STEAP4: variants seen among roughly 807,000 people sequenced by gnomAD.
The protein encoded by STEAP4 is STEAP4 metalloreductase.
In STEAP4, 36 loss-of-function variants were observed where a neutral mutation model predicts 43.6. The ratio of observed to expected loss-of-function variants is 0.83; its 90% CI spans 0.63 to 1.09. STEAP4 has a LOEUF of 1.09. Among genes scored for constraint, STEAP4 ranks in the 50% least tolerant of loss-of-function variants. The pLI, the probability that STEAP4 is intolerant of heterozygous loss-of-function variation, is 0.00. For synonymous variants in STEAP4, 191 were observed against 196.7 expected (o/e 0.97, Z 0.24); for missense variants, 495 against 546.5 (o/e 0.91, Z 0.94).
At chr7:88,303,208 A>AAT (rs1554544064) in intron 1 of STEAP4, among the ~76,000 whole-genome samples, 36 of 144,870 alleles carry the variant, frequency 2.5e-4, no homozygotes, top group Admixed American at 1.4e-3. Context: ...AAAAAAAAAA[A>AAT]ACTCCAACCG....
At chr7:88,300,555 G>A (rs1853014851) in intron 1 of STEAP4, among the ~76,000 whole-genome samples, 1 of 152,184 alleles carries the variant, frequency 6.6e-6, no homozygotes, top group Admixed American at 6.5e-5. Context: ...TAGTTTTCAG[G>A]TTTTTAATCT....
chr7:88,288,123 C>T (rs138417369), intron 1 of STEAP4, among the ~76,000 whole-genome samples: 2 of 152,100 alleles, frequency 1.3e-5, no homozygotes, highest in Non-Finnish European at 2.9e-5. Context: ...TAAATTTATA[C>T]CTTATACTCC....
chr7:88,283,870 A>C lies in STEAP4; in HGVS notation c.400T>G (p.Phe134Val). The change falls in exon 2 of 5, where the codon TTT becomes GTT. Residue 134 changes from phenylalanine (F) to valine (V), a missense_variant. Transcript: ENST00000380079. Reference protein sequence around the residue: ...LVPGAHVVKAFNTISAWALQS... With the variant: ...LVPGAHVVKAVNTISAWALQS... ...AGAGCCCAGGCTGAGATGGTGTTAA[A>C]TGCTTTTACCACGTGGGCTCCTGGC... 6.2e-7 allele frequency: 1 copy of C among 1,614,158 alleles called. No individual in the cohort carries two copies. The highest frequency in any genetic ancestry group is 8.5e-7 in the Non-Finnish European group (1 of 1,180,026).
In STEAP4 at chr7:88,274,852, G is replaced by A. The variant is rs539838946; in HGVS notation, c.*4546C>T. On this transcript the variant is annotated 3_prime_UTR_variant, in exon 5 of 5. Coordinates refer to ENST00000380079, the MANE Select transcript of STEAP4 (RefSeq NM_024636.4). ...GAATTTGTAAACTGTCATGGTGCTA[G>A]TGGGAGTGTATTTTAGGCTGCTAAT... 3 of 152,206 alleles carry A rather than the reference G, an allele frequency of 2.0e-5. No homozygotes were observed. Among genetic ancestry groups the A allele is most frequent in the Admixed American group, 6.5e-5 (1 of 15,284 alleles). The allele number at this position is 152,206 out of a possible 1,614,324, so 9.4% of individuals were successfully genotyped here. A position where few individuals can be genotyped will look rare whatever the true frequency, so the allele number is the denominator to read the frequency against.
intron 3 of STEAP4, chr7:88,282,258 C>G (rs1852633412): frequency 5.7e-6 from 1 of 175,484 alleles, no homozygotes; most frequent in African/African-American, 2.4e-5. Context: ...AAGCGATTCT[C>G]CTGCCTCAGC....
intron 1 of STEAP4, among the ~76,000 whole-genome samples, chr7:88,303,442 G>A (rs1234211580): frequency 6.6e-6 from 1 of 151,278 alleles, no homozygotes; most frequent in African/African-American, 2.4e-5. Flanking sequence ...GTTGCAGTGA[G>A]GCAAGATCCT....
chr7:88,290,365 A>G (rs1479983932), intron 1 of STEAP4: 1 of 150,800 alleles, frequency 6.6e-6, no homozygotes, highest in African/African-American at 2.4e-5. Context: ...GATTGCTAGT[A>G]CCTACTTGAA....
At chr7:88,293,220 T>A (rs535811038) in intron 1 of STEAP4, among the ~76,000 whole-genome samples, 1 of 152,226 alleles carries the variant, frequency 6.6e-6, no homozygotes, top group East Asian at 1.9e-4. Flanking sequence ...ATGTTGCATA[T>A]CTCTTAATGT....
intron 1 of STEAP4, among the ~76,000 whole-genome samples, chr7:88,284,840 A>G (rs1852700490): frequency 6.6e-6 from 1 of 152,186 alleles, no homozygotes; most frequent in South Asian, 2.1e-4. Flanking sequence ...TTCAACATTT[A>G]TTCTTGATTC....
Position 88,282,915 on chromosome 7 carries a change from C to G in STEAP4, c.710G>C (p.Arg237Pro), listed in dbSNP as rs375196646. ...ACGATTTGGAATGGAAATAGCCATACGAAATGTATTATCTTTCTTTTCATA... is the reference window on the plus strand; with the variant it reads ...ACGATTTGGAATGGAAATAGCCATAGGAAATGTATTATCTTTCTTTTCATA... ...YVYEKKDNTF[R>P]MAISIPNRIF... The change falls in exon 3 of 5, where the codon CGT becomes CCT. Residue 237 changes from arginine (R) to proline (P), a missense_variant. Arg to Pro is a moderately radical substitution (Grantham distance 103, BLOSUM62 -2). Coordinates refer to ENST00000380079, the MANE Select transcript of STEAP4 (RefSeq NM_024636.4). The G allele has an allele frequency of 3.1e-6, 5 of 1,613,974 alleles. No homozygotes were observed. Among genetic ancestry groups the G allele is most frequent in the Non-Finnish European group, 4.2e-6 (5 of 1,180,028 alleles).
At position 88,284,096 on chromosome 7, in the gene STEAP4, C is replaced by T. The variant is rs1852681085; in HGVS notation, c.174G>A (p.Leu58=). 1.2e-6 allele frequency: 2 copies of T among 1,614,008 alleles called. No homozygotes were observed. The highest frequency in any genetic ancestry group is 2.2e-5 in the East Asian group (1 of 44,894). The change falls in exon 2 of 5, where the codon CTG becomes CTA. Residue 58 remains leucine (L), a synonymous_variant. Transcript: ENST00000380079. ...GSRNPQKTTL[L]PSGAEVLSYS... ...AGCTCAAGACTTCTGCACCACTGGG[C>T]AGTAGGGTGGTCTTCTGGGGGTTTC... is the stretch of plus-strand genomic sequence containing the variant.
chr7:88,283,937 A>G lies in STEAP4; in HGVS notation c.333T>C (p.Asn111=), dbSNP rs745861150. The change falls in exon 2 of 5, where the codon AAT becomes AAC. Residue 111 remains asparagine (N), a synonymous_variant. Transcript: ENST00000380079. ...ACTCTGCATTAGATTCTGGATATTG[A>G]TTGATTTTGAGGTTGTTGCTGATGT... is the stretch of plus-strand genomic sequence containing the variant. The part of the protein sequence containing the change: ...LVDISNNLKI[N]QYPESNAEYL... 1.2e-6 allele frequency: 2 copies of G among 1,613,984 alleles called. No individual in the cohort carries two copies. The highest frequency in any genetic ancestry group is 1.7e-5 in the Admixed American group (1 of 59,970).
chr7:88,289,976 T>A (rs1421074279), intron 1 of STEAP4, among the ~76,000 whole-genome samples: 2 of 152,204 alleles, frequency 1.3e-5, no homozygotes, highest in Non-Finnish European at 2.9e-5. Context: ...CTGGTTTGTG[T>A]CACAAAAGAA....
intron 2 of STEAP4, chr7:88,283,411 A>G (rs1398078439): frequency 8.0e-6 from 4 of 497,248 alleles, no homozygotes; most frequent in African/African-American, 2.0e-5. Context: ...TATAAAAGAC[A>G]TGGTTCTCCA....
chr7:88,282,958 C>T lies in STEAP4; in HGVS notation c.667G>A (p.Val223Ile), dbSNP rs774129138. Residue 223 changes from valine to isoleucine, a missense_variant, in exon 3 of 5, where the codon GTA (valine) becomes ATA (isoleucine). Physicochemically the swap from Val to Ile is conservative, Grantham distance 29 (BLOSUM62 3). Coordinates refer to ENST00000380079, the MANE Select transcript of STEAP4 (RefSeq NM_024636.4). ...TTTTCATAAACATAAGGGTAGATTA[C>T]GTCTCTTATAACACAATAGAAAAAC... Reference protein sequence around the residue: ...FLFFYCVIRDVIYPYVYEKKD... With the variant: ...FLFFYCVIRDIIYPYVYEKKD... 1.9e-5 allele frequency: 31 copies of T among 1,613,554 alleles called. No individual in the cohort carries two copies. Among genetic ancestry groups the T allele is most frequent in the South Asian group, 4.4e-5 (4 of 91,038 alleles).
At chr7:88,285,484 G>A (rs1272153642) in intron 1 of STEAP4, among the ~76,000 whole-genome samples, 1 of 151,928 alleles carries the variant, frequency 6.6e-6, no homozygotes, top group African/African-American at 2.4e-5. Context: ...TTTTTATAAA[G>A]CTAAAATAAT....
At chr7:88,299,357 C>T (rs1420361276) in intron 1 of STEAP4, among the ~76,000 whole-genome samples, 1 of 152,150 alleles carries the variant, frequency 6.6e-6, no homozygotes, top group Non-Finnish European at 1.5e-5. Flanking sequence ...GATTAAAGCC[C>T]AGGACTCATG....
chr7:88,291,270 G>C (rs912220579), intron 1 of STEAP4, among the ~76,000 whole-genome samples: 1 of 151,920 alleles, frequency 6.6e-6, no homozygotes, highest in Non-Finnish European at 1.5e-5. Flanking sequence ...GATCACTTGA[G>C]GTCAGGAGCT....
At position 88,274,267 on chromosome 7, in the gene STEAP4, A is replaced by G. The variant is rs530293718; in HGVS notation, c.*5131T>C. On this transcript the variant is annotated 3_prime_UTR_variant, in exon 5 of 5. Coordinates refer to ENST00000380079, the MANE Select transcript of STEAP4 (RefSeq NM_024636.4). Reference sequence around the variant, plus strand: ...AGATAATGCATGTGAAATTGTTAGCATAGGCTTTACGCATGGCACTCTGCT... The same window carrying G: ...AGATAATGCATGTGAAATTGTTAGCGTAGGCTTTACGCATGGCACTCTGCT... The G allele has an allele frequency of 7.2e-5, 11 of 152,366 alleles. No individual in the cohort carries two copies. Among genetic ancestry groups the G allele is most frequent in the African/African-American group, 2.6e-4 (11 of 41,594 alleles). 9.4% of individuals were successfully genotyped at this position (152,366 alleles called of 1,614,324 possible).
Sources: gnomAD v4.1 joint callset for allele counts (sites outside exome capture counted in the v4.1 genomes callset) on GRCh38, gnomAD v4.1.1 for gene constraint, MANE v1.5 for transcripts, NCBI Gene and HGNC (gene_info 2026-07-23, HGNC 2026-07-21) for gene names.